BMPR1B: variants seen among roughly 807,000 people sequenced by gnomAD.
The protein encoded by BMPR1B is bone morphogenetic protein receptor type 1B.
A neutral mutation model predicts 59.1 loss-of-function variants in BMPR1B; 12 were observed. The ratio of observed to expected loss-of-function variants is 0.20; its 90% CI spans 0.13 to 0.33. The LOEUF (loss-of-function observed/expected upper bound fraction) is 0.33. Among genes scored for constraint, BMPR1B ranks in the 10% least tolerant of loss-of-function variants. BMPR1B has a pLI of 1.00. For missense variants in BMPR1B, 550 were observed against 610.9 expected, an observed-to-expected ratio of 0.90 and a Z score of 1.05; for synonymous variants, 237 against 207.3, an observed-to-expected ratio of 1.14 and a Z score of -1.23.
At chr4:94,780,529 T>G (rs982998469) in intron 1 of BMPR1B, among the ~76,000 whole-genome samples, 3 of 152,130 alleles carry the variant, frequency 2.0e-5, no homozygotes, top group African/African-American at 7.2e-5. Context: ...TTCCTGGGTA[T>G]ATACCTAGGA....
chr4:95,108,170 G>C (rs536622824), intron 4 of BMPR1B, among the ~76,000 whole-genome samples: 2 of 151,952 alleles, frequency 1.3e-5, no homozygotes, highest in African/African-American at 4.8e-5. Flanking sequence ...ACATAAATTT[G>C]TTCCTTTAGA....
intron 3 of BMPR1B, among the ~76,000 whole-genome samples, chr4:95,046,389 G>A (rs887809831): frequency 3.3e-5 from 5 of 152,136 alleles, no homozygotes; most frequent in African/African-American, 1.2e-4. Flanking sequence ...ATTAGTGAGA[G>A]TTGTCAGGAA....
chr4:94,833,545 A>G (rs979955692), intron 1 of BMPR1B, among the ~76,000 whole-genome samples: 7 of 152,052 alleles, frequency 4.6e-5, no homozygotes, highest in African/African-American at 1.4e-4. Context: ...CCCTTGGCCA[A>G]CTGATTGTTT....
At chr4:94,829,327 C>CTTTTTT (rs35278466) in intron 1 of BMPR1B, among the ~76,000 whole-genome samples, 1 of 136,938 alleles carries the variant, frequency 7.3e-6, no homozygotes, top group East Asian at 2.1e-4. Context: ...TTTTATTTTC[C>CTTTTTT]TTTTTTTTTT....
chr4:95,033,108 A>G (rs1015398867), intron 3 of BMPR1B, among the ~76,000 whole-genome samples: 1 of 152,068 alleles, frequency 6.6e-6, no homozygotes, highest in Non-Finnish European at 1.5e-5. Flanking sequence ...ATATCTTCCT[A>G]AGAGAAATGT....
chr4:95,133,742 T>C (rs2149305052), intron 10 of BMPR1B, among the ~76,000 whole-genome samples: 1 of 151,578 alleles, frequency 6.6e-6, no homozygotes, highest in East Asian at 1.9e-4. Flanking sequence ...TGGCTAATTT[T>C]TTTTTTTTTT....
chr4:94,830,691 G>C (rs965102806), intron 1 of BMPR1B, among the ~76,000 whole-genome samples: 1 of 152,170 alleles, frequency 6.6e-6, no homozygotes, highest in South Asian at 2.1e-4. Context: ...ATACAGTCAT[G>C]TGCAATATAA....
At chr4:94,866,030 T>C (rs76093524) in intron 1 of BMPR1B, among the ~76,000 whole-genome samples, 5 of 152,172 alleles carry the variant, frequency 3.3e-5, no homozygotes, top group African/African-American at 1.2e-4. Flanking sequence ...ACCTTTGGCA[T>C]AGAGGGGAAT....
In BMPR1B at chr4:94,922,228, G is replaced by T. The variant is rs183146560; in HGVS notation, c.-113+46328G>T. On this transcript the variant is annotated intron_variant, in intron 2 of 12. Coordinates refer to ENST00000515059, the MANE Select transcript of BMPR1B (RefSeq NM_001203.3). ...GGGCTCAAGCAGTCCTCCTACCTTG[G>T]CCTCCCAAAATGCTGGGATTACAGG... is the stretch of plus-strand genomic sequence containing the variant. Among the ~76,000 whole-genome samples, 3 of 152,162 alleles carry T rather than the reference G, an allele frequency of 2.0e-5. No homozygotes were observed. In the East Asian group the frequency reaches 5.8e-4, roughly 29 times the overall value.
At chr4:94,928,851 T>C (rs1728987670) in intron 2 of BMPR1B, among the ~76,000 whole-genome samples, 1 of 152,142 alleles carries the variant, frequency 6.6e-6, no homozygotes, top group African/African-American at 2.4e-5. Flanking sequence ...ATACAGAATC[T>C]ATGGCATAAT....
In BMPR1B at chr4:94,846,357, T is replaced by A. The variant is rs376853061; in HGVS notation, c.-182-29474T>A. 1.8e-4 allele frequency among the ~76,000 whole-genome samples: 28 copies of A among 152,320 alleles called. No individual in the cohort carries two copies. In the South Asian group the frequency reaches 4.1e-3, roughly 23 times the overall value. On this transcript the variant is annotated intron_variant, in intron 1 of 12. Coordinates refer to ENST00000515059, the MANE Select transcript of BMPR1B (RefSeq NM_001203.3). ...TGATTGGATTGAAGGATACAAGGTATTGATCCTGGGTGTGTCTGTGAGGGT... is the reference window on the plus strand; with the variant it reads ...TGATTGGATTGAAGGATACAAGGTAATGATCCTGGGTGTGTCTGTGAGGGT...
At chr4:94,940,018 T>G (rs1729449864) in intron 2 of BMPR1B, among the ~76,000 whole-genome samples, 1 of 152,218 alleles carries the variant, frequency 6.6e-6, no homozygotes, top group African/African-American at 2.4e-5. Context: ...ACCCCCTTCC[T>G]TTGTTTTTGT....
intron 3 of BMPR1B, among the ~76,000 whole-genome samples, chr4:95,043,492 T>C: frequency 6.6e-6 from 1 of 152,240 alleles, no homozygotes; most frequent in East Asian, 1.9e-4. Flanking sequence ...AATTGTTTTG[T>C]AAACCTTTGT....
intron 10 of BMPR1B, among the ~76,000 whole-genome samples, chr4:95,136,806 CTT>C (rs1414574893): frequency 2.5e-4 from 38 of 151,942 alleles, no homozygotes; most frequent in Non-Finnish European, 1.5e-5. Context: ...CTCTTTTCTT[CTT>C]TATTAGTCTT....
At chr4:94,937,719 G>GACACACACACACACACACAGAC (rs1729370794) in intron 2 of BMPR1B, among the ~76,000 whole-genome samples, 137 of 147,702 alleles carry the variant, frequency 9.3e-4, no homozygotes, top group Middle Eastern at 3.6e-3. Context: ...CACACACACA[G>GACACACACACACACACACAGAC]ACACACACAC....
intron 2 of BMPR1B, among the ~76,000 whole-genome samples, chr4:94,885,914 C>T (rs991075936): frequency 2.6e-5 from 4 of 152,114 alleles, no homozygotes; most frequent in African/African-American, 7.2e-5. Context: ...TGGAACAAAA[C>T]TTTCCCTTCA....
chr4:94,797,890 C>G (rs1377396220), intron 1 of BMPR1B, among the ~76,000 whole-genome samples: 2 of 152,146 alleles, frequency 1.3e-5, no homozygotes, highest in Non-Finnish European at 2.9e-5. Context: ...AGCTGTCAGA[C>G]AATACTCAGA....
At chr4:94,957,804 A>T (rs1730211257) in intron 2 of BMPR1B, among the ~76,000 whole-genome samples, 1 of 152,156 alleles carries the variant, frequency 6.6e-6, no homozygotes, top group Non-Finnish European at 1.5e-5. Context: ...CAAATATGTT[A>T]AAAATGTAAA....
intron 3 of BMPR1B, among the ~76,000 whole-genome samples, chr4:95,101,735 C>A (rs1389155524): frequency 6.6e-6 from 1 of 152,058 alleles, no homozygotes; most frequent in Non-Finnish European, 1.5e-5. Flanking sequence ...CCTACAGTTT[C>A]CTGTAAATTT....
Sources: allele counts gnomAD v4.1 joint callset (sites outside exome capture counted in the v4.1 genomes callset), GRCh38; gene constraint gnomAD v4.1.1; transcripts MANE v1.5; gene names NCBI Gene and HGNC (gene_info 2026-07-23, HGNC 2026-07-21).